Variants in DCAF1 observed in about 807,000 individuals in gnomAD.
DCAF1 encodes the protein DDB1- and CUL4-associated factor 1.
A neutral mutation model predicts 128.0 loss-of-function variants in DCAF1; 15 were observed. That is an observed-to-expected ratio of 0.12 (90% CI 0.08 to 0.18). The LOEUF is 0.18. Ranked by LOEUF, DCAF1 falls within the 10% of genes least tolerant of loss-of-function variation. DCAF1 has a pLI of 1.00. For synonymous variants in DCAF1, 610 were observed against 603.0 expected, an observed-to-expected ratio of 1.01 and a Z score of -0.17; for missense variants, 988 against 1,649.5, an observed-to-expected ratio of 0.60 and a Z score of 6.95.
chr3:51,486,883 C>T (rs1391384947), intron 2 of DCAF1, among the ~76,000 whole-genome samples: 3 of 151,924 alleles, frequency 2.0e-5, no homozygotes, highest in African/African-American at 7.3e-5. Context: ...CCGCCTGCCT[C>T]GGCCTCCCAA....
chr3:51,503,979 A>G (rs565915679), upstream of DCAF1, among the ~76,000 whole-genome samples: 6 of 152,098 alleles, frequency 3.9e-5, no homozygotes, highest in South Asian at 1.2e-3. Flanking sequence ...AGTGGAGTCA[A>G]CATTGGGGAG....
At chr3:51,483,458 TA>T (rs1428076474) in intron 3 of DCAF1, among the ~76,000 whole-genome samples, 10 of 151,540 alleles carry the variant, frequency 6.6e-5, no homozygotes, top group Admixed American at 6.6e-5. Context: ...AAAATTAAAT[TA>T]AATTAAATAA....
At chr3:51,440,149 T>C in intron 9 of DCAF1, 1 of 510,710 alleles carries the variant, frequency 2.0e-6, no homozygotes, top group South Asian at 1.4e-5. Context: ...CGTTCAGCCT[T>C]TTAGATTAAC....
chr3:51,414,074 T>C, intron 19 of DCAF1, 31 bp from the exon 20 acceptor site: 2 of 1,557,016 alleles, frequency 1.3e-6, no homozygotes, highest in Non-Finnish European at 1.7e-6. Context: ...GAAAACTATT[T>C]TACACAAAAC....
chr3:51,493,448 G>A (rs1707885211), intron 2 of DCAF1, among the ~76,000 whole-genome samples: 1 of 150,158 alleles, frequency 6.7e-6, no homozygotes. Context: ...TCCATCTCAG[G>A]GGAAAAAAAA....
At chr3:51,427,702 G>A (rs1249507007) in intron 12 of DCAF1, among the ~76,000 whole-genome samples, 161 bp from the exon 13 acceptor site, 4 of 151,882 alleles carry the variant, frequency 2.6e-5, no homozygotes, top group African/African-American at 7.3e-5. Flanking sequence ...GCTTGATCAC[G>A]GCTCACTGTA....
At chr3:51,428,113 C>G (rs2107514143) in intron 12 of DCAF1, among the ~76,000 whole-genome samples, 1 of 152,174 alleles carries the variant, frequency 6.6e-6, no homozygotes, top group South Asian at 2.1e-4. Context: ...AAAAAGATAA[C>G]AAAAGTTTCC....
At chr3:51,462,745 C>CAAAAA (rs10715121) in intron 6 of DCAF1, among the ~76,000 whole-genome samples, 1 of 79,324 alleles carries the variant, frequency 1.3e-5, no homozygotes. Flanking sequence ...GACACCATCT[C>CAAAAA]AAAAAAAAAA....
At chr3:51,500,236 C>T (rs1708726551), upstream of DCAF1, among the ~76,000 whole-genome samples, 1 of 150,596 alleles carries the variant, frequency 6.6e-6, no homozygotes, top group Non-Finnish European at 1.5e-5. Flanking sequence ...ATGAGCTCTT[C>T]GCCTGGCGCA....
chr3:51,402,747 T>C (rs1456569894), intron 24 of DCAF1, among the ~76,000 whole-genome samples: 3 of 152,078 alleles, frequency 2.0e-5, no homozygotes, highest in African/African-American at 7.2e-5. Flanking sequence ...GCTAATTTTG[T>C]ATTTTTAGTA....
Position 51,449,576 on chromosome 3 carries a change from T to C in DCAF1, c.376-5673A>G, listed in dbSNP as rs797035808. Among the ~76,000 whole-genome samples the C allele has an allele frequency of 2.0e-5, 3 of 152,074 alleles. 1 individual carries two copies. The highest frequency in any genetic ancestry group is 2.9e-5 in the Non-Finnish European group (2 of 68,026). ...AAAGATCTCAAATCAAATTAGGAAC[T>C]AGGCCTAACTATGCCTTATGCCATA... On this transcript the variant is annotated intron_variant, in intron 6 of 24. Coordinates refer to ENST00000684031, the MANE Select transcript of DCAF1 (RefSeq NM_001387579.1).
chr3:51,416,720 T>G lies in DCAF1; in HGVS notation c.3603+67A>C, dbSNP rs1449440172. ...AAAGGACTTAGGTCCTCACATTCTA[T>G]CAAGAAGATTTCAGTATGAACAAAT... On this transcript the variant is annotated intron_variant, in intron 18 of 24. Transcript: ENST00000684031. 4 of 1,552,048 alleles carry G rather than the reference T, an allele frequency of 2.6e-6. No individual in the cohort carries two copies. In the Admixed American group the frequency reaches 7.8e-5, roughly 30 times the overall value.
chr3:51,410,371 C>G (rs1227983229), intron 23 of DCAF1, among the ~76,000 whole-genome samples: 1 of 152,180 alleles, frequency 6.6e-6, no homozygotes, highest in Non-Finnish European at 1.5e-5. Context: ...AGTCTCTGTT[C>G]TAGCTTTTTT....
At chr3:51,481,470 T>C (rs904071768) in intron 3 of DCAF1, among the ~76,000 whole-genome samples, 22 of 151,874 alleles carry the variant, frequency 1.4e-4, no homozygotes, top group East Asian at 5.8e-4. Flanking sequence ...GGTGGGTGGA[T>C]CACCTGAGGT....
intron 2 of DCAF1, among the ~76,000 whole-genome samples, chr3:51,485,419 G>A (rs181002966): frequency 1.3e-5 from 2 of 152,320 alleles, no homozygotes; most frequent in African/African-American, 2.4e-5. Context: ...GAAGGGCAGG[G>A]AGCTGAGGTG....
chr3:51,484,922 G>T (rs1207221234), intron 2 of DCAF1, among the ~76,000 whole-genome samples: 4 of 122,814 alleles, frequency 3.3e-5, no homozygotes, highest in African/African-American at 1.2e-4. Flanking sequence ...TTTTTGTTTT[G>T]TTTTTTTTTT....
chr3:51,428,612 T>C (rs1700111117), intron 12 of DCAF1, among the ~76,000 whole-genome samples: 1 of 152,118 alleles, frequency 6.6e-6, no homozygotes. Flanking sequence ...ACATATCAAA[T>C]TCCACAATGA....
chr3:51,425,819 C>T (rs1217255611), intron 13 of DCAF1, among the ~76,000 whole-genome samples: 1 of 152,024 alleles, frequency 6.6e-6, no homozygotes, highest in Non-Finnish European at 1.5e-5. Flanking sequence ...CCGTCTCAGC[C>T]TCCCTAAGTG....
intron 24 of DCAF1, 61 bp downstream of exon 24, chr3:51,403,082 A>G: frequency 6.5e-7 from 1 of 1,540,306 alleles, no homozygotes. Flanking sequence ...TTGTATGGGC[A>G]CAAAAGAAGG....
Sources: allele counts gnomAD v4.1 joint callset (sites outside exome capture counted in the v4.1 genomes callset), GRCh38; gene constraint gnomAD v4.1.1; transcripts MANE v1.5; gene names NCBI Gene and HGNC (gene_info 2026-07-23, HGNC 2026-07-21).